MACF1: variants seen among roughly 807,000 people sequenced by gnomAD.
MACF1 encodes the protein microtubule-actin cross-linking factor 1.
MACF1 carries 193 observed loss-of-function variants against 854.8 expected under a neutral mutation model. The ratio of observed to expected loss-of-function variants is 0.23; its 90% CI spans 0.20 to 0.25. MACF1 has a LOEUF of 0.25. Among genes scored for constraint, MACF1 ranks in the 10% least tolerant of loss-of-function variants. The pLI, the probability that MACF1 is intolerant of heterozygous loss-of-function variation, is 1.00. For missense variants in MACF1, 7,722 were observed against 8,929.1 expected (o/e 0.86, Z 5.45); for synonymous variants, 3,185 against 3,226.7 (o/e 0.99, Z 0.44).
chr1:39,361,295 A>G lies in MACF1; in HGVS notation c.12454-65A>G, dbSNP rs909320770. ...CCTTGTGAGATAGCATATAGTTATT[A>G]GTTTGTGGCTCAGATGTCCTGGAAT... On this transcript the variant is annotated intron_variant, in intron 48 of 100. Coordinates refer to ENST00000564288, the MANE Select transcript of MACF1 (RefSeq NM_001394062.1). 9 of 1,476,306 alleles carry G rather than the reference A, an allele frequency of 6.1e-6. No homozygotes were observed. In the East Asian group the frequency reaches 1.8e-4, roughly 30 times the overall value. 91.5% of individuals were successfully genotyped at this position (1,476,306 alleles called of 1,614,324 possible).
At chr1:39,449,257 A>T (rs1644286818) in intron 84 of MACF1, among the ~76,000 whole-genome samples, 1 of 152,040 alleles carries the variant, frequency 6.6e-6, no homozygotes, top group Non-Finnish European at 1.5e-5. Context: ...GAGGTTCTTA[A>T]CTCCCCTAAG....
At chr1:39,307,482 G>A (rs1646206168) in intron 23 of MACF1, among the ~76,000 whole-genome samples, 1 of 152,142 alleles carries the variant, frequency 6.6e-6, no homozygotes, top group South Asian at 2.1e-4. Context: ...AAGGGATGCT[G>A]TACCTTTGAG....
chr1:39,111,523 C>T (rs2148144838), intron 2 of MACF1, among the ~76,000 whole-genome samples: 1 of 152,118 alleles, frequency 6.6e-6, no homozygotes, highest in Non-Finnish European at 1.5e-5. Flanking sequence ...GCTGGGACTA[C>T]AGGCGCCCAC....
chr1:39,143,582 T>C (rs1643394528), intron 2 of MACF1, among the ~76,000 whole-genome samples: 1 of 152,212 alleles, frequency 6.6e-6, no homozygotes, highest in South Asian at 2.1e-4. Context: ...AGGTTACTTA[T>C]GTTATTTGCA....
At chr1:39,318,130 C>T (rs955733268) in intron 29 of MACF1, among the ~76,000 whole-genome samples, 1 of 152,170 alleles carries the variant, frequency 6.6e-6, no homozygotes, top group African/African-American at 2.4e-5. Flanking sequence ...TAGAACTGTA[C>T]AGCCAATACT....
chr1:39,200,254 T>G (rs1245915057), upstream of MACF1, among the ~76,000 whole-genome samples: 1 of 152,230 alleles, frequency 6.6e-6, no homozygotes. Context: ...TGGGTCTCCC[T>G]CTAATCCACT....
At chr1:39,092,052 G>T (rs1226979116) in intron 2 of MACF1, among the ~76,000 whole-genome samples, 1 of 152,188 alleles carries the variant, frequency 6.6e-6, no homozygotes, top group African/African-American at 2.4e-5. Flanking sequence ...AGTTCTGGAA[G>T]GGAAGGCACT....
At chr1:39,165,348 T>C (rs1179593491) in intron 2 of MACF1, among the ~76,000 whole-genome samples, 1 of 152,188 alleles carries the variant, frequency 6.6e-6, no homozygotes, top group African/African-American at 2.4e-5. Context: ...TAGTAGACCA[T>C]GTGCTTATTT....
upstream of MACF1, among the ~76,000 whole-genome samples, chr1:39,202,212 C>T (rs1215214793): frequency 1.3e-5 from 2 of 148,774 alleles, no homozygotes; most frequent in South Asian, 2.1e-4. Flanking sequence ...ATGATCCACC[C>T]GCCTCCGCCT....
chr1:39,413,837 C>T, intron 58 of MACF1: 2 of 1,611,618 alleles, frequency 1.2e-6, no homozygotes, highest in Non-Finnish European at 8.5e-7. Context: ...GTGGTGGCCA[C>T]CCTGGAGGAA....
intron 23 of MACF1, among the ~76,000 whole-genome samples, chr1:39,308,432 G>C (rs984030768): frequency 3.9e-5 from 6 of 151,944 alleles, no homozygotes; most frequent in African/African-American, 1.5e-4. Context: ...TTAAACTTAC[G>C]GATTTAATGC....
At chr1:39,388,860 C>G (rs1239277825) in intron 58 of MACF1, among the ~76,000 whole-genome samples, 1 of 133,316 alleles carries the variant, frequency 7.5e-6, no homozygotes, top group Non-Finnish European at 1.6e-5. Context: ...TTTTCTTTTT[C>G]TTCTTCTTCT....
intron 99 of MACF1, among the ~76,000 whole-genome samples, chr1:39,483,230 G>C (rs1047135511): frequency 1.3e-5 from 2 of 151,766 alleles, no homozygotes; most frequent in African/African-American, 4.8e-5. Flanking sequence ...ATAATATGTA[G>C]CTCTTTTCCA....
chr1:39,399,234 T>C (rs1642382721), intron 58 of MACF1, among the ~76,000 whole-genome samples: 1 of 152,182 alleles, frequency 6.6e-6, no homozygotes, highest in African/African-American at 2.4e-5. Context: ...CAGTCTTGGA[T>C]GTATTTGATC....
At chr1:39,463,360 C>T (rs1472239490) in intron 93 of MACF1, among the ~76,000 whole-genome samples, 1 of 151,904 alleles carries the variant, frequency 6.6e-6, no homozygotes, top group South Asian at 2.1e-4. Flanking sequence ...CCTGGTGGTG[C>T]GTGCCTATAA....
rs775962816 is a variant in MACF1 at position 39,333,390 on chromosome 1, G to A, written c.6802G>A (p.Glu2268Lys). The change falls in exon 37 of 101, where the codon GAA (glutamate) becomes AAA (lysine). Residue 2268 changes from glutamate (E) to lysine (K), a missense_variant. Coordinates refer to ENST00000564288, the MANE Select transcript of MACF1 (RefSeq NM_001394062.1). ...GACCGATGAGGAAGATAGTGGCAGG[G>A]AAATTTTTCTGTCATGCAGTCATCC... Reference protein sequence around the residue: ...EKTDEEDSGREIFLSCSHPLE... With the variant: ...EKTDEEDSGRKIFLSCSHPLE... 6.2e-7 allele frequency: 1 copy of A among 1,614,074 alleles called. No individual in the cohort carries two copies. Among genetic ancestry groups the A allele is most frequent in the South Asian group, 1.1e-5 (1 of 91,074 alleles).
intron 2 of MACF1, among the ~76,000 whole-genome samples, chr1:39,160,501 T>C (rs534534500): frequency 5.6e-4 from 86 of 152,260 alleles, no homozygotes; most frequent in Non-Finnish European, 1.2e-3. Flanking sequence ...TCATTCACTA[T>C]TGTTTGCTTC....
intron 15 of MACF1, among the ~76,000 whole-genome samples, chr1:39,291,284 CT>C (rs1462651699): frequency 6.6e-6 from 1 of 152,140 alleles, no homozygotes; most frequent in East Asian, 1.9e-4. Context: ...GCAATCGTAA[CT>C]CTTAAGTTTA....
upstream of MACF1, among the ~76,000 whole-genome samples, chr1:39,202,489 G>C (rs1362532970): frequency 6.6e-6 from 1 of 151,568 alleles, no homozygotes; most frequent in African/African-American, 2.4e-5. Context: ...AGAAAAATTA[G>C]CTAGGTGTAG....
Sources: allele counts gnomAD v4.1 joint callset (sites outside exome capture counted in the v4.1 genomes callset), GRCh38; gene constraint gnomAD v4.1.1; transcripts MANE v1.5; gene names NCBI Gene and HGNC (gene_info 2026-07-23, HGNC 2026-07-21).